The following POLR1B variants were observed in gnomAD, a reference collection of about 807,000 sequenced individuals.
POLR1B encodes the protein RNA polymerase I subunit B.
A neutral mutation model predicts 105.8 loss-of-function variants in POLR1B; 30 were observed. The ratio of observed to expected loss-of-function variants is 0.28; its 90% CI spans 0.21 to 0.38. The LOEUF (loss-of-function observed/expected upper bound fraction) is 0.38. POLR1B is among the 10% of genes least tolerant of loss of function. The pLI, the probability that POLR1B is intolerant of heterozygous loss-of-function variation, is 1.00. For synonymous variants in POLR1B, 485 were observed against 505.1 expected, an observed-to-expected ratio of 0.96 and a Z score of 0.53; for missense variants, 976 against 1,435.8, an observed-to-expected ratio of 0.68 and a Z score of 5.17.
chr2:112,553,030 A>C (rs1370007347), intron 7 of POLR1B, among the ~76,000 whole-genome samples: 1 of 152,262 alleles, frequency 6.6e-6, no homozygotes, highest in African/African-American at 2.4e-5. Flanking sequence ...TAAAGATCAC[A>C]TCAAATCTTG....
intron 12 of POLR1B, among the ~76,000 whole-genome samples, chr2:112,570,038 T>C (rs997772817): frequency 4.6e-5 from 7 of 151,912 alleles, no homozygotes; most frequent in Non-Finnish European, 8.8e-5. Context: ...CTTTATTTTC[T>C]TCAGATTGGA....
At position 112,568,621 on chromosome 2, in the gene POLR1B, G is replaced by C. The variant is rs1684426705; in HGVS notation, c.1918-125G>C. 1.2e-5 allele frequency: 13 copies of C among 1,066,162 alleles called. No homozygotes were observed. The South Asian group carries it at 1.8e-4, about 15-fold the overall frequency. The allele number at this position is 1,066,162 out of a possible 1,614,324, so 66.0% of individuals were successfully genotyped here. A position where few individuals can be genotyped will look rare whatever the true frequency, so the allele number is the denominator to read the frequency against. The stretch of plus-strand genomic sequence containing the variant: ...CTGTGCTTCCCAGTTGATCCCTTCA[G>C]CACTCATGATGCTGGGTGGGGATGG... On this transcript the variant is annotated intron_variant, in intron 11 of 14. Coordinates refer to ENST00000263331, the MANE Select transcript of POLR1B (RefSeq NM_019014.6).
chr2:112,552,873 C>T, intron 7 of POLR1B, 57 bp downstream of exon 7: 21 of 1,387,446 alleles, frequency 1.5e-5, no homozygotes, highest in Non-Finnish European at 1.9e-5. Context: ...AATGGCGTGA[C>T]TTTGTCCAGC....
Position 112,576,561 on chromosome 2 carries a change from G to GT in POLR1B, c.*835dup, listed in dbSNP as rs1324170497. ...CCACCCTTCTACCCTGTTTCTATGA[G>GT]TTTGACTATTACAGATATCTCATAT... is the stretch of plus-strand genomic sequence containing the variant. On this transcript the variant is annotated 3_prime_UTR_variant, in exon 15 of 15. Coordinates refer to ENST00000263331, the MANE Select transcript of POLR1B (RefSeq NM_019014.6). 1 of 152,136 alleles carries GT rather than the reference G, an allele frequency of 6.6e-6. No homozygotes were observed. Among genetic ancestry groups the GT allele is most frequent in the African/African-American group, 2.4e-5 (1 of 41,418 alleles). 9.4% of individuals were successfully genotyped at this position (152,136 alleles called of 1,614,324 possible). A position where few individuals can be genotyped will look rare whatever the true frequency, so the allele number is the denominator to read the frequency against.
chr2:112,570,070 A>G (rs1385058879), intron 12 of POLR1B, among the ~76,000 whole-genome samples: 2 of 136,704 alleles, frequency 1.5e-5, no homozygotes, highest in East Asian at 2.1e-4. Flanking sequence ...TTTTCCCGAG[A>G]TGGAGTCTCA....
At chr2:112,554,258 G>A (rs1683529554) in intron 7 of POLR1B, among the ~76,000 whole-genome samples, 2 of 151,534 alleles carry the variant, frequency 1.3e-5, no homozygotes, top group African/African-American at 2.4e-5. Context: ...TCAGCCTCCC[G>A]GGTATCTAGG....
At chr2:112,542,893 GTGAT>G in intron 1 of POLR1B, 1 of 626,876 alleles carries the variant, frequency 1.6e-6, no homozygotes, top group Non-Finnish European at 2.7e-6. Flanking sequence ...GGAGTGAAAA[GTGAT>G]TGTGAACCGT....
In POLR1B at chr2:112,578,050, C is replaced by T. The variant is rs781465321; in HGVS notation, c.*2321C>T. On this transcript the variant is annotated 3_prime_UTR_variant, in exon 15 of 15. Coordinates refer to ENST00000263331, the MANE Select transcript of POLR1B (RefSeq NM_019014.6). ...TCCCACAGCTGAGGTCTATTGTCAT[C>T]GCTCCACTTCTATTTTTAGCAGCAC... Among the ~76,000 whole-genome samples, 4 of 152,062 alleles carry T rather than the reference C, an allele frequency of 2.6e-5. 1 individual carries two copies. In the East Asian group the frequency reaches 5.8e-4, roughly 22 times the overall value.
At chr2:112,547,223 T>C in intron 2 of POLR1B, 44 bp downstream of exon 2, 1 of 1,604,824 alleles carries the variant, frequency 6.2e-7, no homozygotes, top group African/African-American at 1.3e-5. Context: ...CTGCACATAT[T>C]TGGGAGTAGG....
chr2:112,570,921 G>A (rs1489172572), intron 12 of POLR1B, among the ~76,000 whole-genome samples: 1 of 151,884 alleles, frequency 6.6e-6, no homozygotes, highest in Non-Finnish European at 1.5e-5. Flanking sequence ...TGAGATTACA[G>A]GCATGTGCCA....
intron 3 of POLR1B, 117 bp from the exon 4 acceptor site, chr2:112,549,150 A>G: frequency 1.0e-5 from 12 of 1,154,656 alleles, no homozygotes; most frequent in Non-Finnish European, 1.4e-5. Context: ...TCAGTAGTAC[A>G]TTTCACCTCT....
chr2:112,573,323 G>C (rs537103271), intron 13 of POLR1B, among the ~76,000 whole-genome samples: 1 of 152,244 alleles, frequency 6.6e-6, no homozygotes, highest in East Asian at 1.9e-4. Context: ...GGCTGGTCTC[G>C]AACTCCTGAC....
chr2:112,564,587 C>G (rs1387893028), intron 10 of POLR1B, 88 bp downstream of exon 10: 12 of 1,542,392 alleles, frequency 7.8e-6, no homozygotes, highest in East Asian at 2.3e-5. Context: ...CCTGGGCGGT[C>G]TAGAGTGATC....
chr2:112,542,693 G>A (rs1450541060), intron 1 of POLR1B, 22 bp downstream of exon 1: 1 of 1,609,460 alleles, frequency 6.2e-7, no homozygotes, highest in Non-Finnish European at 8.5e-7. Flanking sequence ...GTCCGCCGGC[G>A]CCCTTGCCGC....
intron 10 of POLR1B, among the ~76,000 whole-genome samples, chr2:112,566,379 A>C (rs1162671518): frequency 6.6e-6 from 1 of 152,228 alleles, no homozygotes; most frequent in Non-Finnish European, 1.5e-5. Context: ...ATGGATTATT[A>C]GCTGAATTAC....
intron 11 of POLR1B, 25 bp from the exon 12 acceptor site, chr2:112,568,721 G>A: frequency 6.2e-7 from 1 of 1,611,262 alleles, no homozygotes; most frequent in Admixed American, 1.7e-5. Context: ...CAGTTATTTT[G>A]TGCCTTGGAC....
chr2:112,552,688 T>C lies in POLR1B; in HGVS notation c.1030T>C (p.Tyr344His). Residue 344 changes from tyrosine to histidine, a missense_variant, in exon 7 of 15, where the codon TAT becomes CAT. Transcript: ENST00000263331. ...IHLKSNTEKF[Y>H]MLCLMTRKLF... Reference sequence around the variant, plus strand: ...CTTGAAATCCAATACTGAAAAGTTTTATATGCTTTGTCTCATGACGCGAAA... The same window carrying C: ...CTTGAAATCCAATACTGAAAAGTTTCATATGCTTTGTCTCATGACGCGAAA... 6.2e-7 allele frequency: 1 copy of C among 1,610,446 alleles called. No homozygotes were observed. Among genetic ancestry groups the C allele is most frequent in the Non-Finnish European group, 8.5e-7 (1 of 1,178,484 alleles).
rs899338093 is a variant in POLR1B at position 112,577,980 on chromosome 2, A to G, written c.*2251A>G. 2.0e-5 allele frequency among the ~76,000 whole-genome samples: 3 copies of G among 152,182 alleles called. No individual in the cohort carries two copies. Among genetic ancestry groups the G allele is most frequent in the African/African-American group, 4.8e-5 (2 of 41,454 alleles). The stretch of plus-strand genomic sequence containing the variant: ...TTTCCCCCTGCTGTTAAGAATCCCA[A>G]CCACACACTTTCACACACTATTCCA... On this transcript the variant is annotated 3_prime_UTR_variant, in exon 15 of 15. Transcript: ENST00000263331.
chr2:112,570,453 G>A (rs1400223838), intron 12 of POLR1B, among the ~76,000 whole-genome samples: 3 of 152,136 alleles, frequency 2.0e-5, no homozygotes, highest in East Asian at 1.9e-4. Context: ...GGATACCTTC[G>A]AAGAAGTGAG....
Sources: allele counts gnomAD v4.1 joint callset (sites outside exome capture counted in the v4.1 genomes callset), GRCh38; gene constraint gnomAD v4.1.1; transcripts MANE v1.5; gene names NCBI Gene and HGNC (gene_info 2026-07-23, HGNC 2026-07-21).